LAMP2: variants seen among roughly 807,000 people sequenced by gnomAD.
LAMP2 encodes lysosome-associated membrane glycoprotein 2.
Under a neutral mutation model 25.6 loss-of-function variants are expected in LAMP2, and 4 were observed. The ratio of observed to expected loss-of-function variants is 0.16; its 90% CI spans 0.08 to 0.36. The LOEUF (loss-of-function observed/expected upper bound fraction) is 0.36, where lower values mean the gene tolerates loss of function less well. Ranked by LOEUF, LAMP2 falls within the 10% of genes least tolerant of loss-of-function variation. The pLI, the probability that LAMP2 is intolerant of heterozygous loss-of-function variation, is 1.00. For synonymous variants in LAMP2, 108 were observed against 112.7 expected (o/e 0.96, Z 0.27); for missense variants, 272 against 301.4 (o/e 0.90, Z 0.72).
chrX:120,444,700 G>T (rs2058588756), intron 6 of LAMP2, among the ~76,000 whole-genome samples: 1 of 112,134 alleles, frequency 8.9e-6, no homozygotes, highest in African/African-American at 3.2e-5. Flanking sequence ...GGCATGGCAT[G>T]TAGGCCTTTC....
chrX:120,441,030 G>C (rs1221768083), intron 8 of LAMP2, among the ~76,000 whole-genome samples: 3 of 112,372 alleles, frequency 2.7e-5, no homozygotes, highest in African/African-American at 9.7e-5. Flanking sequence ...CAACAGAGTT[G>C]TGATCCACAA....
In LAMP2 at chrX:120,438,049, G is replaced by T. The variant is rs776569718; in HGVS notation, c.1093+3681C>A. 214 of 270,713 alleles carry T rather than the reference G, an allele frequency of 7.9e-4. 2 individuals are homozygous for T. Among genetic ancestry groups the T allele is most frequent in the African/African-American group, 6.1e-3 (206 of 33,747 alleles). The allele number at this position is 270,713 out of a possible 1,213,427, so 22.3% of individuals were successfully genotyped here. A position where few individuals can be genotyped will look rare whatever the true frequency, so the allele number is the denominator to read the frequency against. On this transcript the variant is annotated intron_variant, in intron 8 of 8. Coordinates refer to ENST00000200639, the MANE Select transcript of LAMP2 (RefSeq NM_002294.3). Reference sequence around the variant, plus strand: ...TTTTTGTATTTCTGATAGAGATGGGGTTTCACCATGTTGGCCAGGCTGGTC... The same window carrying T: ...TTTTTGTATTTCTGATAGAGATGGGTTTTCACCATGTTGGCCAGGCTGGTC...
chrX:120,448,107 C>A (rs894412901), intron 4 of LAMP2, 82 bp from the exon 5 acceptor site: 1 of 890,731 alleles, frequency 1.1e-6, no homozygotes, highest in African/African-American at 1.9e-5. Flanking sequence ...AAAAAAAATT[C>A]TCATAATAGA....
chrX:120,460,515 A>G lies in LAMP2; in HGVS notation c.65-3746T>C, dbSNP rs146479545. Among the ~76,000 whole-genome samples, 382 of 111,792 alleles carry G rather than the reference A, an allele frequency of 3.4e-3. 6 individuals carry two copies. Among genetic ancestry groups the G allele is most frequent in the African/African-American group, 0.012 (365 of 30,787 alleles). On this transcript the variant is annotated intron_variant, in intron 1 of 8. Transcript: ENST00000200639. ...CTGACACTATAGATTAATTTTATCC[A>G]TTTTTCAACTTGATATAAATAAAAT... is the stretch of plus-strand genomic sequence containing the variant.
At chrX:120,438,800 GA>G in intron 8 of LAMP2, 2 of 831,713 alleles carry the variant, frequency 2.4e-6, no homozygotes, top group East Asian at 9.6e-5. Flanking sequence ...TACCTGCAGG[GA>G]AAAAAAATCT....
chrX:120,462,534 A>C (rs1921362058), intron 1 of LAMP2, among the ~76,000 whole-genome samples: 1 of 108,925 alleles, frequency 9.2e-6, no homozygotes, highest in African/African-American at 3.3e-5. Context: ...AAAAAAAAAA[A>C]AACCTCTCAC....
In LAMP2 at chrX:120,438,231, A is replaced by G. The variant is rs1052041162; in HGVS notation, c.1093+3499T>C. On this transcript the variant is annotated intron_variant, in intron 8 of 8. Coordinates refer to ENST00000200639, the MANE Select transcript of LAMP2 (RefSeq NM_002294.3). ...TAGGACACACTGGCATTTCTTAAGA[A>G]AAAGAAAATAATAAAATACATCACT... 3.2e-5 allele frequency: 24 copies of G among 744,355 alleles called. No homozygotes were observed. The African/African-American group carries it at 5.3e-4, about 17-fold the overall frequency. The allele number at this position is 744,355 out of a possible 1,213,427, so 61.3% of individuals were successfully genotyped here.
chrX:120,438,326 T>G (rs2058554918), intron 8 of LAMP2: 3 of 752,653 alleles, frequency 4.0e-6, no homozygotes, highest in Admixed American at 1.8e-4. Flanking sequence ...AGAGGCCAAT[T>G]TATGAGCACA....
upstream of LAMP2, chrX:120,469,309 C>T: frequency 1.7e-6 from 1 of 577,421 alleles, no homozygotes; most frequent in East Asian, 3.6e-5. Context: ...GGAATCGGCG[C>T]TTCAGTGCGA....
chrX:120,469,202 G>A lies in LAMP2; in HGVS notation c.-33C>T, dbSNP rs368403767. 122 of 1,184,659 alleles carry A rather than the reference G, an allele frequency of 1.0e-4. No homozygotes were observed. In the African/African-American group the frequency reaches 1.9e-3, roughly 18 times the overall value. On this transcript the variant is annotated 5_prime_UTR_variant, in exon 1 of 9. Transcript: ENST00000200639. ...CAGAGCAGGCGGCGACGGCGGCGAC[G>A]GCGGCGGTACAACAACAGCTGCAAC...
intron 3 of LAMP2, among the ~76,000 whole-genome samples, chrX:120,454,488 T>C (rs897756432): frequency 7.2e-5 from 8 of 110,658 alleles, no homozygotes; most frequent in Non-Finnish European, 1.5e-4. Flanking sequence ...CAGTGGTGCA[T>C]GCCTGTAGTC....
At chrX:120,452,594 C>G (rs1279218755) in intron 3 of LAMP2, among the ~76,000 whole-genome samples, 2 of 109,621 alleles carry the variant, frequency 1.8e-5, no homozygotes, top group Non-Finnish European at 1.9e-5. Context: ...CTCTGTCACC[C>G]AGGCTGAGTG....
intron 8 of LAMP2, chrX:120,439,163 C>A: frequency 8.3e-7 from 1 of 1,210,718 alleles, no homozygotes; most frequent in South Asian, 1.8e-5. Context: ...GTTACAGAGT[C>A]TGATATCCAG....
At position 120,431,352 on chromosome X, in the gene LAMP2, G is replaced by T. The variant is rs1418868953; in HGVS notation, c.1204C>A (p.His402Asn). Residue 402 changes from histidine (H) to asparagine (N), a missense_variant, in exon 9 of 9, where the codon CAC (histidine) becomes AAC (asparagine). His to Asn is a moderately conservative substitution (Grantham distance 68, BLOSUM62 1). Transcript: ENST00000200639. ...VLLAYFIGLKHHHAGYEQF is the reference protein window; with the variant it reads ...VLLAYFIGLKNHHAGYEQF The stretch of plus-strand genomic sequence containing the variant: ...AATTGCTCATATCCAGCATGATGGT[G>T]CTTGAGACCAATAAAATAAGCCAGC... The T allele has an allele frequency of 1.7e-6, 2 of 1,209,721 alleles. No homozygotes were observed. Among genetic ancestry groups the T allele is most frequent in the Admixed American group, 4.3e-5 (2 of 46,022 alleles).
intron 5 of LAMP2, 152 bp downstream of exon 5, chrX:120,447,689 G>T (rs779303271): frequency 1.6e-5 from 8 of 493,826 alleles, no homozygotes; most frequent in Non-Finnish European, 2.7e-5. Context: ...CAGCCTGGGG[G>T]ACAGAGCGTG....
chrX:120,449,001 A>T lies in LAMP2; in HGVS notation c.525T>A (p.Ala175=). The part of the protein sequence containing the change: ...VQHYWDVLVQ[A]FVQNGTVSTN... Reference sequence around the variant, plus strand: ...TGCTCACTGTGCCATTTTGGACAAAAGCTTGTACAAGAACATCCCAGTAGT... The same window carrying T: ...TGCTCACTGTGCCATTTTGGACAAATGCTTGTACAAGAACATCCCAGTAGT... Residue 175 remains alanine (A), a synonymous_variant, in exon 4 of 9, where the codon GCT becomes GCA. Coordinates refer to ENST00000200639, the MANE Select transcript of LAMP2 (RefSeq NM_002294.3). 8.3e-7 allele frequency: 1 copy of T among 1,209,667 alleles called. No individual in the cohort carries two copies. The highest frequency in any genetic ancestry group is 1.8e-5 in the South Asian group (1 of 56,963).
At position 120,428,519 on chromosome X, in the gene LAMP2, T is replaced by G. The variant is rs1484083055; in HGVS notation, c.*2804A>C. On this transcript the variant is annotated 3_prime_UTR_variant, in exon 9 of 9. Transcript: ENST00000200639. ...TGATAACCAGTACGACTTTTCCTTC[T>G]TCCAATCATATAAGAGATAAAGACA... 8.4e-7 allele frequency: 1 copy of G among 1,196,372 alleles called. No individual in the cohort carries two copies. Among genetic ancestry groups the G allele is most frequent in the Non-Finnish European group, 1.1e-6 (1 of 889,089 alleles).
At chrX:120,455,036 T>C (rs749027007) in intron 3 of LAMP2, among the ~76,000 whole-genome samples, 61 of 102,986 alleles carry the variant, frequency 5.9e-4, no homozygotes, top group African/African-American at 1.8e-3. Context: ...TATATATATA[T>C]ACATATATAC....
chrX:120,449,165 G>A (rs750115900), intron 3 of LAMP2, 37 bp from the exon 4 acceptor site: 4 of 1,071,684 alleles, frequency 3.7e-6, no homozygotes, highest in Non-Finnish European at 3.9e-6. Flanking sequence ...TTTCCAAGAA[G>A]GTAGGAGAAA....
Sources: gnomAD v4.1 joint callset for allele counts (sites outside exome capture counted in the v4.1 genomes callset) on GRCh38, gnomAD v4.1.1 for gene constraint, MANE v1.5 for transcripts, NCBI Gene and HGNC (gene_info 2026-07-23, HGNC 2026-07-21) for gene names.